The following CLCA2 variants were observed in gnomAD, a reference collection of about 807,000 sequenced individuals.
The protein encoded by CLCA2 is calcium-activated chloride channel regulator 2.
A neutral mutation model predicts 82.9 loss-of-function variants in CLCA2; 85 were observed. The observed-to-expected ratio is 1.03, with a 90% confidence interval of 0.86 to 1.23. The LOEUF (loss-of-function observed/expected upper bound fraction) is 1.23. Among genes scored for constraint, CLCA2 ranks in the 50% most tolerant of loss-of-function variants. The pLI is 0.00. For missense variants in CLCA2, 1,089 were observed against 1,124.8 expected, an observed-to-expected ratio of 0.97 and a Z score of 0.45; for synonymous variants, 421 against 391.7, an observed-to-expected ratio of 1.07 and a Z score of -0.88.
Position 86,443,819 on chromosome 1 carries a change from C to A in CLCA2, c.1521C>A (p.His507Gln). Residue 507 changes from histidine to glutamine, a missense_variant, in exon 10 of 14, where the codon CAC becomes CAA. By Grantham distance (24) the His-to-Gln change is conservative. Coordinates refer to ENST00000370565, the MANE Select transcript of CLCA2 (RefSeq NM_006536.7). ...LESTGENVKPHHQLKNTVTVD... is the reference protein window; with the variant it reads ...LESTGENVKPQHQLKNTVTVD... ...GTACAGGTGAAAATGTCAAACCTCA[C>A]CATCAATTGAAAAACACAGTGACTG... The A allele has an allele frequency of 6.2e-7, 1 of 1,613,904 alleles. No homozygotes were observed. The highest frequency in any genetic ancestry group is 2.2e-5 in the East Asian group (1 of 44,848).
In CLCA2 at chr1:86,455,828, A is replaced by C. The variant is rs1663066260; in HGVS notation, c.*301A>C. 5.9e-6 allele frequency: 1 copy of C among 170,066 alleles called. No homozygotes were observed. Among genetic ancestry groups the C allele is most frequent in the Non-Finnish European group, 1.2e-5 (1 of 80,238 alleles). The allele number at this position is 170,066 out of a possible 1,614,324, so 10.5% of individuals were successfully genotyped here. A position where few individuals can be genotyped will look rare whatever the true frequency, so the allele number is the denominator to read the frequency against. Reference sequence around the variant, plus strand: ...GAAAGTTTGTTTTATTGAGGTGGAAAAATAGCCCCAAGCAGAGAAAAGGAG... The same window carrying C: ...GAAAGTTTGTTTTATTGAGGTGGAACAATAGCCCCAAGCAGAGAAAAGGAG... On this transcript the variant is annotated 3_prime_UTR_variant, in exon 14 of 14. Coordinates refer to ENST00000370565, the MANE Select transcript of CLCA2 (RefSeq NM_006536.7).
intron 10 of CLCA2, among the ~76,000 whole-genome samples, chr1:86,446,833 T>C (rs1056122254): frequency 1.3e-5 from 2 of 152,254 alleles, no homozygotes; most frequent in African/African-American, 4.8e-5. Context: ...TTTTAGTCTT[T>C]TTCTTTCAGA....
At chr1:86,444,076 A>G in intron 10 of CLCA2, 65 bp downstream of exon 10, 1 of 1,069,276 alleles carries the variant, frequency 9.4e-7, no homozygotes, top group South Asian at 1.4e-5. Context: ...CAGCTGAATC[A>G]CATGATTAAA....
chr1:86,455,135 G>A lies in CLCA2; in HGVS notation c.2440G>A (p.Asp814Asn), dbSNP rs771973913. The A allele has an allele frequency of 1.2e-5, 20 of 1,607,948 alleles. No individual in the cohort carries two copies. The highest frequency in any genetic ancestry group is 1.7e-5 in the Non-Finnish European group (20 of 1,176,242). Residue 814 changes from aspartate to asparagine, a missense_variant, in exon 14 of 14, where the codon GAC becomes AAC. Coordinates refer to ENST00000370565, the MANE Select transcript of CLCA2 (RefSeq NM_006536.7). ...TAAAAGTCTACAGAATATCCAAGATGACTTTAACAATGCTATTTTAGTAAA... is the reference window on the plus strand; with the variant it reads ...TAAAAGTCTACAGAATATCCAAGATAACTTTAACAATGCTATTTTAGTAAA... ...MSKSLQNIQDDFNNAILVNTS... is the reference protein window; with the variant it reads ...MSKSLQNIQDNFNNAILVNTS...
chr1:86,447,639 C>G lies in CLCA2; in HGVS notation c.1845C>G (p.Ser615Arg). Residue 615 changes from serine (S) to arginine (R), a missense_variant, in exon 11 of 14, where the codon AGC becomes AGG. Ser to Arg is a moderately radical substitution (Grantham distance 110). Coordinates refer to ENST00000370565, the MANE Select transcript of CLCA2 (RefSeq NM_006536.7). ...TGGAAGCCTTTGTGGAAAGAGACAGCCTCCATTTTCCTCATCCTGTGATGA... is the reference window on the plus strand; with the variant it reads ...TGGAAGCCTTTGTGGAAAGAGACAGGCTCCATTTTCCTCATCCTGTGATGA... ...ATVEAFVERDSLHFPHPVMIY... is the reference protein window; with the variant it reads ...ATVEAFVERDRLHFPHPVMIY... The G allele has an allele frequency of 6.2e-7, 1 of 1,614,098 alleles. No individual in the cohort carries two copies. The highest frequency in any genetic ancestry group is 1.3e-5 in the African/African-American group (1 of 75,020).
intron 3 of CLCA2, among the ~76,000 whole-genome samples, chr1:86,429,520 A>G (rs1208651432): frequency 1.3e-5 from 2 of 152,162 alleles, no homozygotes; most frequent in East Asian, 3.9e-4. Context: ...GCAATAGACT[A>G]TGCCAGGGAA....
chr1:86,452,391 G>A (rs562985679), intron 12 of CLCA2, among the ~76,000 whole-genome samples: 26 of 151,998 alleles, frequency 1.7e-4, no homozygotes, highest in African/African-American at 5.6e-4. Context: ...GTTGCTTGCT[G>A]TGCTTTAATT....
In CLCA2 at chr1:86,425,431, G is replaced by T; in HGVS notation, c.279G>T (p.Trp93Cys). The stretch of plus-strand genomic sequence containing the variant: ...TAAAGATTTTAATACCTGCCACATG[G>T]AAAGCTAATAATAACAGCAAAATAA... ...RNIKILIPAT[W>C]KANNNSKIKQ... is the part of the protein sequence containing the mutation. The change falls in exon 2 of 14, where the codon TGG (tryptophan) becomes TGT (cysteine). Residue 93 changes from tryptophan to cysteine, a missense_variant. Trp to Cys is a radical substitution (Grantham distance 215, BLOSUM62 -2). Coordinates refer to ENST00000370565, the MANE Select transcript of CLCA2 (RefSeq NM_006536.7). 6.4e-7 allele frequency: 1 copy of T among 1,566,240 alleles called. No homozygotes were observed. Among genetic ancestry groups the T allele is most frequent in the South Asian group, 1.2e-5 (1 of 81,712 alleles).
chr1:86,435,308 T>A (rs1662586066), intron 6 of CLCA2, among the ~76,000 whole-genome samples: 1 of 152,206 alleles, frequency 6.6e-6, no homozygotes. Flanking sequence ...CCAACAAAGA[T>A]CCTTTTCCAA....
rs1558117623 is a variant in CLCA2, at chr1:86,447,917, T to C, written c.1984+139T>C. The C allele has an allele frequency of 4.6e-6, 4 of 868,502 alleles. No homozygotes were observed. The South Asian group carries it at 5.4e-5, about 12-fold the overall frequency. 53.8% of individuals were successfully genotyped at this position (868,502 alleles called of 1,614,324 possible). A position where few individuals can be genotyped will look rare whatever the true frequency, so the allele number is the denominator to read the frequency against. On this transcript the variant is annotated intron_variant, in intron 11 of 13. Transcript: ENST00000370565. ...ATCTTACAATATTCTCAAATTCTTA[T>C]AGAGTCACTGATATACTGAATAGCT...
chr1:86,424,863 C>CTGCACG (rs1398414025), intron 1 of CLCA2, among the ~76,000 whole-genome samples: 1 of 152,182 alleles, frequency 6.6e-6, no homozygotes, highest in Non-Finnish European at 1.5e-5. Flanking sequence ...GGGTGAGAGT[C>CTGCACG]TGCACGGTGG....
chr1:86,442,582 A>G (rs1319558943), intron 9 of CLCA2, among the ~76,000 whole-genome samples: 1 of 152,188 alleles, frequency 6.6e-6, no homozygotes, highest in Admixed American at 6.5e-5. Flanking sequence ...GCCATCAGCA[A>G]TCCATAAATA....
In CLCA2 at chr1:86,440,190, A is replaced by G; in HGVS notation, c.1246A>G (p.Ile416Val). ...TGGAAAAGCTTATGGCTCTGTGATG[A>G]TATTAGTGACCAGCGGAGATGATAA... ...LNGKAYGSVM[I>V]LVTSGDDKLL... Residue 416 changes from isoleucine (I) to valine (V), a missense_variant, in exon 8 of 14, where the codon ATA becomes GTA. Ile to Val is a conservative substitution (Grantham distance 29). Transcript: ENST00000370565. The G allele has an allele frequency of 1.9e-6, 3 of 1,614,100 alleles. No homozygotes were observed. The highest frequency in any genetic ancestry group is 2.5e-6 in the Non-Finnish European group (3 of 1,179,982).
Position 86,447,527 on chromosome 1 carries a change from C to T in CLCA2, c.1733C>T (p.Thr578Ile). 1.2e-6 allele frequency: 2 copies of T among 1,614,000 alleles called. No individual in the cohort carries two copies. Among genetic ancestry groups the T allele is most frequent in the Non-Finnish European group, 1.7e-6 (2 of 1,179,966 alleles). The change falls in exon 11 of 14, where the codon ACC (threonine) becomes ATC (isoleucine). Residue 578 changes from threonine (T) to isoleucine (I), a missense_variant. Thr to Ile is a moderately conservative substitution (Grantham distance 89). Transcript: ENST00000370565. ...TTACAGCCTGGGCACTGGACTTACA[C>T]CCTGAACAATACCCATCATTCTCTG... ...GTAKPGHWTY[T>I]LNNTHHSLQA... is the part of the protein sequence containing the mutation.
At position 86,430,215 on chromosome 1, in the gene CLCA2, T is replaced by TCTCTC. The variant is rs554033968; in HGVS notation, c.476-647_476-646insCTCTC. ...TAAGATTTTGAGAGAGAGGAAGTTCTAAAGGATCTCATGCAGAGGATGGGG... is the reference window on the plus strand; with the variant it reads ...TAAGATTTTGAGAGAGAGGAAGTTCTCTCTCAAAGGATCTCATGCAGAGGATGGGG... On this transcript the variant is annotated intron_variant, in intron 3 of 13. Transcript: ENST00000370565. Among the ~76,000 whole-genome samples the TCTCTC allele has an allele frequency of 8.1e-3, 1,237 of 152,270 alleles. 54 individuals carry two copies. The highest frequency in any genetic ancestry group is 0.064 in the Admixed American group (982 of 15,286).
Position 86,434,586 on chromosome 1 carries a change from C to A in CLCA2, c.813C>A (p.Ser271Arg). 6.2e-7 allele frequency: 1 copy of A among 1,614,054 alleles called. No homozygotes were observed. Among genetic ancestry groups the A allele is most frequent in the South Asian group, 1.1e-5 (1 of 91,082 alleles). Residue 271 changes from serine (S) to arginine (R), a missense_variant, in exon 6 of 14, where the codon AGC becomes AGA. Transcript: ENST00000370565. ...EAPNLQNQMC[S>R]LRSAWDVITD... ...CAAACCTACAGAACCAGATGTGCAG[C>A]CTCAGAAGTGCATGGGATGTAATCA...
At chr1:86,444,619 A>G (rs1037587368) in intron 10 of CLCA2, among the ~76,000 whole-genome samples, 2 of 152,216 alleles carry the variant, frequency 1.3e-5, no homozygotes, top group African/African-American at 4.8e-5. Flanking sequence ...GGCTGTTCAT[A>G]GAACTAGAGT....
intron 4 of CLCA2, among the ~76,000 whole-genome samples, chr1:86,431,429 C>T (rs952139314): frequency 1.3e-5 from 2 of 152,136 alleles, no homozygotes; most frequent in South Asian, 4.1e-4. Flanking sequence ...CAGGTTGTTT[C>T]CCATCTTTTG....
intron 13 of CLCA2, among the ~76,000 whole-genome samples, chr1:86,454,562 C>T (rs953340305): frequency 6.6e-6 from 1 of 152,112 alleles, no homozygotes; most frequent in Admixed American, 6.5e-5. Flanking sequence ...GAGGCCGAGG[C>T]AGGTGGATCA....
Sources: allele counts gnomAD v4.1 joint callset (sites outside exome capture counted in the v4.1 genomes callset), GRCh38; gene constraint gnomAD v4.1.1; transcripts MANE v1.5; gene names NCBI Gene and HGNC (gene_info 2026-07-23, HGNC 2026-07-21).